Variants in XRN2 observed in about 807,000 individuals in gnomAD.
XRN2 encodes the protein DHM1-like protein.
Under a neutral mutation model 138.5 loss-of-function variants are expected in XRN2, and 44 were observed. That is an observed-to-expected ratio of 0.32 (90% CI 0.25 to 0.41). XRN2 has a LOEUF of 0.41. XRN2 is among the 10% of genes least tolerant of loss of function. The pLI is 1.00. For synonymous variants in XRN2, 354 were observed against 369.4 expected, an observed-to-expected ratio of 0.96 and a Z score of 0.48; for missense variants, 937 against 1,169.3, an observed-to-expected ratio of 0.80 and a Z score of 2.90.
intron 1 of XRN2, among the ~76,000 whole-genome samples, chr20:21,310,186 C>G (rs1183475878): frequency 6.6e-6 from 1 of 152,192 alleles, no homozygotes. Flanking sequence ...CTAAAACTCC[C>G]TTTGGCCCGC....
chr20:21,373,544 C>T (rs143422706), intron 27 of XRN2, among the ~76,000 whole-genome samples: 5 of 152,290 alleles, frequency 3.3e-5, no homozygotes, highest in Admixed American at 6.5e-5. Flanking sequence ...ATGAAAGTGC[C>T]AGACACATTT....
chr20:21,331,516 T>C, intron 6 of XRN2, 45 bp from the exon 7 acceptor site: 1 of 1,514,998 alleles, frequency 6.6e-7, no homozygotes, highest in Non-Finnish European at 9.1e-7. Flanking sequence ...TTTGTGCCTA[T>C]AGAAAATTGG....
In XRN2 at chr20:21,389,462, G is replaced by T. The variant is rs1179812079; in HGVS notation, c.*124G>T. 4 of 861,090 alleles carry T rather than the reference G, an allele frequency of 4.6e-6. No individual in the cohort carries two copies. The East Asian group carries it at 1.1e-4, about 24-fold the overall frequency. The allele number at this position is 861,090 out of a possible 1,614,324, so 53.3% of individuals were successfully genotyped here. ...AGTACTTTGTGTATTTCTTTTAACT[G>T]TGTATATTTCTACTGATCTGATCTC... On this transcript the variant is annotated 3_prime_UTR_variant, in exon 30 of 30. Transcript: ENST00000377191.
At chr20:21,331,428 CA>C in intron 6 of XRN2, 132 bp from the exon 7 acceptor site, 1 of 715,170 alleles carries the variant, frequency 1.4e-6, no homozygotes, top group East Asian at 2.7e-5. Flanking sequence ...CACACACACA[CA>C]CACACACACC....
In XRN2 at chr20:21,356,208, G is replaced by T. The variant is rs1449620176; in HGVS notation, c.2118+31G>T. 3.2e-6 allele frequency: 5 copies of T among 1,551,088 alleles called. No individual in the cohort carries two copies. The East Asian group carries it at 9.1e-5, about 28-fold the overall frequency. On this transcript the variant is annotated intron_variant, in intron 22 of 29. Coordinates refer to ENST00000377191, the MANE Select transcript of XRN2 (RefSeq NM_012255.5). The stretch of plus-strand genomic sequence containing the variant: ...TTACGCAATTTGGTTAATTAGAAAT[G>T]CACTTTTTAAAATTTTGGTAAAATA...
chr20:21,349,269 A>G, intron 19 of XRN2, 120 bp from the exon 20 acceptor site: 1 of 714,536 alleles, frequency 1.4e-6, no homozygotes, highest in Non-Finnish European at 2.4e-6. Flanking sequence ...AACATTTTTT[A>G]AAAGGAATGC....
chr20:21,389,464 GTA>G lies in XRN2; in HGVS notation c.*130_*131del. ...TACTTTGTGTATTTCTTTTAACTGT[GTA>G]TATTTCTACTGATCTGATCTCACTG... On this transcript the variant is annotated 3_prime_UTR_variant, in exon 30 of 30. Transcript: ENST00000377191. 1 of 836,394 alleles carries G rather than the reference GTA, an allele frequency of 1.2e-6. No individual in the cohort carries two copies. Among genetic ancestry groups the G allele is most frequent in the Non-Finnish European group, 1.8e-6 (1 of 549,822 alleles). 51.8% of individuals were successfully genotyped at this position (836,394 alleles called of 1,614,324 possible).
chr20:21,345,012 T>G (rs1418050271), intron 16 of XRN2, among the ~76,000 whole-genome samples: 1 of 152,248 alleles, frequency 6.6e-6, no homozygotes, highest in East Asian at 1.9e-4. Context: ...GATTTGTGTT[T>G]ATGATTAGAA....
rs1489082071 is a variant in XRN2 at position 21,333,918 on chromosome 20, G to A, written c.1068-19G>A. On this transcript the variant is annotated intron_variant, in intron 11 of 29. Transcript: ENST00000377191. ...GTGCCTACTGGTCCTAATGCATAAT[G>A]TTTGTCTCTTGCTGACAGGGAAAAT... 6.2e-7 allele frequency: 1 copy of A among 1,613,966 alleles called. No individual in the cohort carries two copies. The highest frequency in any genetic ancestry group is 8.5e-7 in the Non-Finnish European group (1 of 1,179,996).
intron 13 of XRN2, among the ~76,000 whole-genome samples, chr20:21,338,550 G>A (rs1568579226): frequency 2.0e-5 from 3 of 152,070 alleles, no homozygotes; most frequent in Admixed American, 1.3e-4. Flanking sequence ...TTTCTCCATT[G>A]TGCCATGCAT....
intron 13 of XRN2, among the ~76,000 whole-genome samples, chr20:21,336,322 C>T (rs192512697): frequency 1.3e-5 from 2 of 151,946 alleles, no homozygotes; most frequent in African/African-American, 2.4e-5. Context: ...TTAAGCTGGG[C>T]GTGGTGGTGG....
intron 9 of XRN2, 82 bp downstream of exon 9, chr20:21,332,522 C>A: frequency 7.4e-7 from 1 of 1,351,764 alleles, no homozygotes. Flanking sequence ...AATATCATTT[C>A]AACCATTTTA....
At chr20:21,344,330 C>G (rs2038409094) in intron 16 of XRN2, 122 bp downstream of exon 16, 1 of 714,102 alleles carries the variant, frequency 1.4e-6, no homozygotes, top group Non-Finnish European at 2.5e-6. Flanking sequence ...TTTTATCCAT[C>G]AGTAATTAAT....
chr20:21,313,358 G>A (rs1280436381), intron 1 of XRN2, among the ~76,000 whole-genome samples: 1 of 152,200 alleles, frequency 6.6e-6, no homozygotes, highest in Non-Finnish European at 1.5e-5. Context: ...TGTATGTTGG[G>A]TGACTCAATT....
At chr20:21,351,463 A>G (rs2038509496) in intron 20 of XRN2, among the ~76,000 whole-genome samples, 1 of 152,202 alleles carries the variant, frequency 6.6e-6, no homozygotes, top group Non-Finnish European at 1.5e-5. Flanking sequence ...GTTGCATTAT[A>G]GAAGTTTTTT....
chr20:21,313,402 C>T (rs892362466), intron 1 of XRN2, among the ~76,000 whole-genome samples: 3 of 152,046 alleles, frequency 2.0e-5, no homozygotes, highest in African/African-American at 7.2e-5. Flanking sequence ...CAAATGACTG[C>T]GAAAGTACCA....
intron 28 of XRN2, among the ~76,000 whole-genome samples, chr20:21,384,274 G>A (rs1452923162): frequency 6.6e-6 from 1 of 152,062 alleles, no homozygotes; most frequent in Non-Finnish European, 1.5e-5. Context: ...TCATTTGCAA[G>A]GCAGCCATTT....
intron 1 of XRN2, among the ~76,000 whole-genome samples, chr20:21,317,662 C>T (rs1373425539): frequency 6.6e-6 from 1 of 152,128 alleles, no homozygotes; most frequent in East Asian, 1.9e-4. Flanking sequence ...CTCTGGGTTA[C>T]TTAAATACCT....
chr20:21,311,506 T>C (rs2037880338), intron 1 of XRN2, among the ~76,000 whole-genome samples: 1 of 152,204 alleles, frequency 6.6e-6, no homozygotes, highest in Admixed American at 6.5e-5. Context: ...TAGTCTATTA[T>C]GAATAACACT....
Sources: gnomAD v4.1 joint callset for allele counts (sites outside exome capture counted in the v4.1 genomes callset) on GRCh38, gnomAD v4.1.1 for gene constraint, MANE v1.5 for transcripts, NCBI Gene and HGNC (gene_info 2026-07-23, HGNC 2026-07-21) for gene names.